MED24: variants seen among roughly 807,000 people sequenced by gnomAD.
MED24 encodes mediator of RNA polymerase II transcription subunit 24.
A neutral mutation model predicts 118.8 loss-of-function variants in MED24; 74 were observed. That is an observed-to-expected ratio of 0.62 (90% CI 0.52 to 0.76). MED24 has a LOEUF of 0.76. Ranked by LOEUF, MED24 falls within the 30% of genes least tolerant of loss-of-function variation. The probability of loss-of-function intolerance (pLI) is 0.00; values close to 1 mark genes in which losing one functional copy is unlikely to be tolerated. For missense variants in MED24, 1,041 were observed against 1,278.9 expected (o/e 0.81, Z 2.84); for synonymous variants, 521 against 523.9 (o/e 0.99, Z 0.08).
intron 18 of MED24, 141 bp from the exon 19 acceptor site, chr17:40,026,472 T>G: frequency 8.3e-7 from 1 of 1,211,832 alleles, no homozygotes; most frequent in Non-Finnish European, 1.2e-6. Flanking sequence ...AAGTTTGATC[T>G]TCCCAGAGCT....
intron 5 of MED24, 106 bp downstream of exon 5, chr17:40,035,616 A>T: frequency 8.1e-7 from 1 of 1,240,900 alleles, no homozygotes; most frequent in Non-Finnish European, 1.1e-6. Context: ...GGGAGAAAAA[A>T]CGTTGGAACC....
intron 6 of MED24, 48 bp downstream of exon 6, chr17:40,035,069 G>A (rs1192493424): frequency 1.2e-6 from 2 of 1,611,014 alleles, no homozygotes; most frequent in South Asian, 1.1e-5. Context: ...TAAAGGACCG[G>A]CTATGGGAGC....
chr17:40,043,895 A>AAAAAAAAAAAAAAAAAAG (rs1984843421), intron 3 of MED24, among the ~76,000 whole-genome samples: 1 of 150,802 alleles, frequency 6.6e-6, no homozygotes, highest in Non-Finnish European at 1.5e-5. Context: ...CATCTCAAAA[A>AAAAAAAAAAAAAAAAAAG]AAAAAAAAAC....
rs747883416 is a variant in MED24 at position 40,029,836 on chromosome 17, G to A, written c.1178C>T (p.Pro393Leu). ...AKRKADREHA[P>L]QQKSGENANI... ...GGCATTCTCTCCCGATTTCTGCTGG[G>A]GTGCGTGCTCTCGGTCCGCTTTGCT... is the stretch of plus-strand genomic sequence containing the variant. Residue 393 changes from proline (P) to leucine (L), a missense_variant, in exon 13 of 26, where the codon CCC (proline) becomes CTC (leucine). Physicochemically the swap from Pro to Leu is moderately conservative, Grantham distance 98. This residue lies in a region of MED24 where 434 missense variants were observed against 514.9 expected (regional missense o/e 0.84). Coordinates refer to ENST00000394128, the MANE Select transcript of MED24 (RefSeq NM_014815.4). 17 of 1,614,060 alleles carry A rather than the reference G, an allele frequency of 1.1e-5. No homozygotes were observed. Among genetic ancestry groups the A allele is most frequent in the Non-Finnish European group, 1.4e-5 (16 of 1,180,030 alleles).
chr17:40,035,330 C>A lies in MED24; in HGVS notation c.346G>T (p.Glu116Ter). 6.3e-7 allele frequency: 1 copy of A among 1,592,838 alleles called. No individual in the cohort carries two copies. Among genetic ancestry groups the A allele is most frequent in the Non-Finnish European group, 8.6e-7 (1 of 1,165,348 alleles). The change falls in exon 6 of 26, where the codon GAA (glutamate) becomes TAA (stop). Residue 116 changes from glutamate to a stop codon, truncating the protein, a stop_gained. Coordinates refer to ENST00000394128, the MANE Select transcript of MED24 (RefSeq NM_014815.4). LOFTEE classifies it high-confidence loss of function. Reference sequence around the variant, plus strand: ...AGGGCTCGGCACAGTCCGATGCATTCCTCTGCTTTGCCGTGACAGCTACAG... The same window carrying A: ...AGGGCTCGGCACAGTCCGATGCATTACTCTGCTTTGCCGTGACAGCTACAG... ...DRLSCHGKAEECIGLCRALLS... is the reference protein window; with the variant it reads ...DRLSCHGKAE
At position 40,026,100 on chromosome 17, in the gene MED24, T is replaced by C; in HGVS notation, c.1985+56A>G. On this transcript the variant is annotated intron_variant, in intron 19 of 25. Transcript: ENST00000394128. Reference sequence around the variant, plus strand: ...AGAGAGGGGTGCTTGTTATTGGATGTGCTGACTTCTCACAACACACTTGAA... The same window carrying C: ...AGAGAGGGGTGCTTGTTATTGGATGCGCTGACTTCTCACAACACACTTGAA... 5.2e-6 allele frequency: 8 copies of C among 1,548,746 alleles called. No individual in the cohort carries two copies. The Admixed American group carries it at 1.4e-4, about 28-fold the overall frequency.
At chr17:40,025,419 A>G (rs1393398907) in intron 19 of MED24, among the ~76,000 whole-genome samples, 3 of 152,174 alleles carry the variant, frequency 2.0e-5, no homozygotes, top group African/African-American at 7.2e-5. Flanking sequence ...AGTGAGACTC[A>G]CTCTGATCTG....
chr17:40,052,567 T>C (rs1985969142), intron 3 of MED24, among the ~76,000 whole-genome samples: 1 of 152,206 alleles, frequency 6.6e-6, no homozygotes, highest in Non-Finnish European at 1.5e-5. Flanking sequence ...TATTTGTTGA[T>C]AGAATAGGTG....
rs757030903 is a variant in MED24 at position 40,035,161 on chromosome 17, G to A, written c.515C>T (p.Thr172Ile). 4 of 1,614,060 alleles carry A rather than the reference G, an allele frequency of 2.5e-6. No individual in the cohort carries two copies. The East Asian group carries it at 6.7e-5, about 27-fold the overall frequency. ...GATGTGCAGCAGGGCCCGGTTCTTG[G>A]TGCTGCTGAGGGTTTTCTCCAGGCG... Reference protein sequence around the residue: ...LQRLEKTLSSTKNRALLHIAK... With the variant: ...LQRLEKTLSSIKNRALLHIAK... The change falls in exon 6 of 26, where the codon ACC becomes ATC. Residue 172 changes from threonine (T) to isoleucine (I), a missense_variant. Physicochemically the swap from Thr to Ile is moderately conservative, Grantham distance 89. This residue lies in a region of MED24 where 434 missense variants were observed against 514.9 expected (regional missense o/e 0.84). Coordinates refer to ENST00000394128, the MANE Select transcript of MED24 (RefSeq NM_014815.4).
At chr17:40,044,433 T>A (rs1404934512) in intron 3 of MED24, among the ~76,000 whole-genome samples, 3 of 151,646 alleles carry the variant, frequency 2.0e-5, no homozygotes, top group Admixed American at 6.6e-5. Context: ...GGCAGGAGAA[T>A]TGCTTGAACC....
chr17:40,033,326 T>TC lies in MED24; in HGVS notation c.671+18dup, dbSNP rs1568165623. 2 of 1,611,908 alleles carry TC rather than the reference T, an allele frequency of 1.2e-6. No individual in the cohort carries two copies. Among genetic ancestry groups the TC allele is most frequent in the African/African-American group, 2.7e-5 (2 of 74,792 alleles). On this transcript the variant is annotated intron_variant, in intron 7 of 25. Coordinates refer to ENST00000394128, the MANE Select transcript of MED24 (RefSeq NM_014815.4). This position sits in a 1 kb window ranked among gnomAD's most constrained non-coding sequence, Gnocchi z 5.2. The stretch of plus-strand genomic sequence containing the variant: ...TGTCCTCCCTCTCCCTTCTCCACCA[T>TC]CCCCCAGGGAGCCGGTACCTCCTAA...
intron 13 of MED24, among the ~76,000 whole-genome samples, chr17:40,029,335 A>C (rs539981359): frequency 1.3e-5 from 2 of 152,320 alleles, no homozygotes; most frequent in African/African-American, 4.8e-5. Flanking sequence ...AGTAACTGGG[A>C]TTACAGGCAT....
intron 9 of MED24, chr17:40,032,399 C>A: frequency 5.2e-6 from 3 of 574,742 alleles, no homozygotes; most frequent in Non-Finnish European, 9.3e-6. Context: ...CCCTTTACTG[C>A]CCTGCACCTA....
rs755902181 is a variant in MED24, at chr17:40,019,789, G to A, written c.2849C>T (p.Thr950Ile). The A allele has an allele frequency of 6.2e-7, 1 of 1,611,996 alleles. No individual in the cohort carries two copies. Among genetic ancestry groups the A allele is most frequent in the Non-Finnish European group, 8.5e-7 (1 of 1,178,974 alleles). ...AGCCGGGAAGGTGGTACTCACGGTG[G>A]TGAAGGGCATGAACTGCAGGACGCT... ...RGSVLQFMPF[T>I]TVSELVKVSA... is the part of the protein sequence containing the mutation. Residue 950 changes from threonine to isoleucine, a missense_variant, in exon 25 of 26, where the codon ACC (threonine) becomes ATC (isoleucine). Transcript: ENST00000394128.
At chr17:40,023,097 C>A in intron 20 of MED24, 34 bp downstream of exon 20, 2 of 1,593,374 alleles carry the variant, frequency 1.3e-6, no homozygotes, top group Non-Finnish European at 8.6e-7. Flanking sequence ...GGGACAGGAC[C>A]CATGTCGGCC....
intron 3 of MED24, among the ~76,000 whole-genome samples, chr17:40,043,514 AT>A (rs1456387795): frequency 5.3e-5 from 8 of 152,006 alleles, no homozygotes; most frequent in Non-Finnish European, 1.2e-4. Flanking sequence ...GTATGCAGAA[AT>A]TTTTTATGTT....
chr17:40,045,264 C>T (rs1985035639), intron 3 of MED24, among the ~76,000 whole-genome samples: 1 of 151,868 alleles, frequency 6.6e-6, no homozygotes, highest in Admixed American at 6.6e-5. Context: ...GCCTGGCCAA[C>T]ATGATGAAAC....
intron 3 of MED24, among the ~76,000 whole-genome samples, chr17:40,044,854 G>A (rs935516176): frequency 6.7e-6 from 1 of 149,832 alleles, no homozygotes; most frequent in Admixed American, 6.7e-5. Context: ...ACTCCAGCCT[G>A]GGCGACACAG....
chr17:40,026,020 G>T, intron 19 of MED24, 136 bp downstream of exon 19: 3 of 853,854 alleles, frequency 3.5e-6, no homozygotes, highest in East Asian at 2.6e-5. Context: ...ATGAGTGAAT[G>T]CATGAATAGG....
Sources: gnomAD v4.1 joint callset for allele counts (sites outside exome capture counted in the v4.1 genomes callset) on GRCh38, gnomAD v4.1.1 for gene constraint, gnomAD v4.1.1 regional missense constraint, Gnocchi (gnomAD v3.1) non-coding constraint, MANE v1.5 for transcripts, NCBI Gene and HGNC (gene_info 2026-07-23, HGNC 2026-07-21) for gene names.